Variants in FAP observed in about 807,000 individuals in gnomAD.
FAP encodes the protein prolyl endopeptidase FAP.
In FAP, 110 loss-of-function variants were observed where a neutral mutation model predicts 126.5. The ratio of observed to expected loss-of-function variants is 0.87; its 90% confidence interval spans 0.74 to 1.02. The LOEUF (loss-of-function observed/expected upper bound fraction) is 1.02. Ranked by LOEUF, FAP falls within the 50% of genes least tolerant of loss-of-function variation. The probability of loss-of-function intolerance (pLI) is 0.00; values close to 1 mark genes in which losing one functional copy is unlikely to be tolerated. For synonymous variants in FAP, 334 were observed against 297.3 expected (o/e 1.12, Z -1.27); for missense variants, 919 against 909.2 (o/e 1.01, Z -0.14).
chr2:162,173,201 T>C lies in FAP; in HGVS notation c.2055A>G (p.Arg685=). Residue 685 remains arginine, a synonymous_variant, in exon 24 of 26, where the codon AGA becomes AGG. Transcript: ENST00000188790. Reference sequence around the variant, plus strand: ...AGTCTACATTTCTGAAATATTCTGCTCTTGCCATCACAGTTGAATTCTGGA... The same window carrying C: ...AGTCTACATTTCTGAAATATTCTGCCCTTGCCATCACAGTTGAATTCTGGA... ...EHYKNSTVMA[R]AEYFRNVDYL... 6.2e-7 allele frequency: 1 copy of C among 1,613,140 alleles called. No individual in the cohort carries two copies. The highest frequency in any genetic ancestry group is 8.5e-7 in the Non-Finnish European group (1 of 1,179,246).
intron 2 of FAP, among the ~76,000 whole-genome samples, chr2:162,231,096 C>T (rs1689881531): frequency 6.6e-6 from 1 of 152,136 alleles, no homozygotes; most frequent in Non-Finnish European, 1.5e-5. Context: ...TATTCCCTTT[C>T]CCAGACCTGG....
At chr2:162,227,920 G>C (rs1208315193) in intron 2 of FAP, among the ~76,000 whole-genome samples, 2 of 152,050 alleles carry the variant, frequency 1.3e-5, no homozygotes, top group Non-Finnish European at 2.9e-5. Flanking sequence ...TTTAGATCAG[G>C]TTTCCTTTTA....
chr2:162,236,604 G>T (rs1254568417), intron 2 of FAP, among the ~76,000 whole-genome samples: 3 of 145,366 alleles, frequency 2.1e-5, no homozygotes, highest in Non-Finnish European at 4.4e-5. Context: ...ATCTGATTTT[G>T]TTTTGTTTTT....
chr2:162,217,164 A>G (rs1194816395), intron 9 of FAP, among the ~76,000 whole-genome samples: 1 of 152,226 alleles, frequency 6.6e-6, no homozygotes, highest in Non-Finnish European at 1.5e-5. Context: ...TTGTGTGTAT[A>G]CCACATCCAA....
At chr2:162,192,846 A>G (rs1235853374) in intron 17 of FAP, among the ~76,000 whole-genome samples, 1 of 152,190 alleles carries the variant, frequency 6.6e-6, no homozygotes, top group African/African-American at 2.4e-5. Context: ...CATATTCATG[A>G]GTCTCGGGTT....
intron 2 of FAP, among the ~76,000 whole-genome samples, chr2:162,242,263 C>T (rs983121164): frequency 2.0e-5 from 3 of 152,124 alleles, no homozygotes; most frequent in African/African-American, 7.2e-5. Context: ...CTGATATCAG[C>T]CCATAGTACC....
At chr2:162,214,548 G>C (rs1263823821) in intron 10 of FAP, among the ~76,000 whole-genome samples, 2 of 151,414 alleles carry the variant, frequency 1.3e-5, no homozygotes, top group East Asian at 3.9e-4. Context: ...TTGAAATTCA[G>C]ACTTGTGGAA....
At chr2:162,192,902 G>A (rs999015123) in intron 17 of FAP, among the ~76,000 whole-genome samples, 1 of 152,126 alleles carries the variant, frequency 6.6e-6, no homozygotes, top group African/African-American at 2.4e-5. Context: ...CCCAAACCCA[G>A]ATGAGCTGCT....
Position 162,226,670 on chromosome 2 carries a change from T to A in FAP, c.92-49A>T, listed in dbSNP as rs757693222. 3 of 976,722 alleles carry A rather than the reference T, an allele frequency of 3.1e-6. No individual in the cohort carries two copies. In the South Asian group the frequency reaches 4.4e-5, roughly 14 times the overall value. 60.5% of individuals were successfully genotyped at this position (976,722 alleles called of 1,614,324 possible). A position where few individuals can be genotyped will look rare whatever the true frequency, so the allele number is the denominator to read the frequency against. ...CCTTATTAAAAAGAAGGTTAACAAC[T>A]CAAATAAATTCTAAGCCTGGCCTTC... is the stretch of plus-strand genomic sequence containing the variant. On this transcript the variant is annotated intron_variant, in intron 2 of 25. Transcript: ENST00000188790.
At chr2:162,192,754 C>T (rs969991890) in intron 17 of FAP, among the ~76,000 whole-genome samples, 10 of 152,058 alleles carry the variant, frequency 6.6e-5, no homozygotes, top group African/African-American at 2.4e-4. Flanking sequence ...CTCCCAAAAC[C>T]TGATCTCCAC....
intron 16 of FAP, among the ~76,000 whole-genome samples, chr2:162,195,202 TC>T (rs573610707): frequency 4.7e-4 from 71 of 152,224 alleles, no homozygotes; most frequent in African/African-American, 1.7e-3. Context: ...GAGTATTTTT[TC>T]CATGGAATAA....
In FAP at chr2:162,170,930, T is replaced by G; in HGVS notation, c.*49A>C. The G allele has an allele frequency of 1.5e-6, 2 of 1,366,592 alleles. No homozygotes were observed. The highest frequency in any genetic ancestry group is 2.1e-6 in the Non-Finnish European group (2 of 958,870). The allele number at this position is 1,366,592 out of a possible 1,614,324, so 84.7% of individuals were successfully genotyped here. A position where few individuals can be genotyped will look rare whatever the true frequency, so the allele number is the denominator to read the frequency against. The stretch of plus-strand genomic sequence containing the variant: ...TAAAATAAGCAAACTGTCTGAGGGG[T>G]TTATATAAGGTTTTCAGATTCTGAT... On this transcript the variant is annotated 3_prime_UTR_variant, in exon 26 of 26. Coordinates refer to ENST00000188790, the MANE Select transcript of FAP (RefSeq NM_004460.5).
rs202133611 is a variant in FAP, at chr2:162,202,872, A to G, written c.1223T>C (p.Leu408Pro). ...GCATCGTGCTTCGTGCAATACTTAC[A>G]GTGAATCCTGTGTTACTCTGAATAT... The part of the protein sequence containing the change: ...INIFRVTQDS[L>P]FYSSNEFEEY... Residue 408 changes from leucine to proline, a missense_variant and splice_region_variant, in exon 14 of 26, where the codon CTG (leucine) becomes CCG (proline). Leu to Pro is a moderately conservative substitution (Grantham distance 98, BLOSUM62 -3). Transcript: ENST00000188790. 53 of 1,612,024 alleles carry G rather than the reference A, an allele frequency of 3.3e-5. No homozygotes were observed. Among genetic ancestry groups the G allele is most frequent in the Non-Finnish European group, 4.2e-5 (49 of 1,178,264 alleles).
At chr2:162,231,260 T>C (rs3788969) in intron 2 of FAP, among the ~76,000 whole-genome samples, 5,562 of 152,262 alleles carry the variant, frequency 0.037, 480 homozygotes, top group Admixed American at 0.22. Context: ...CTCCACAGCA[T>C]CAAATACACT....
intron 2 of FAP, among the ~76,000 whole-genome samples, chr2:162,236,872 A>T (rs1559797914): frequency 6.6e-6 from 1 of 152,118 alleles, no homozygotes; most frequent in Non-Finnish European, 1.5e-5. Flanking sequence ...AAAGTGCTGC[A>T]ATTACCACCA....
chr2:162,171,412 T>C, intron 25 of FAP: 1 of 184,162 alleles, frequency 5.4e-6, no homozygotes, highest in Non-Finnish European at 1.1e-5. Flanking sequence ...TGGAGTCTGG[T>C]TTCTTCATTT....
At chr2:162,216,183 C>A (rs1394688778) in intron 9 of FAP, among the ~76,000 whole-genome samples, 182 bp from the exon 10 acceptor site, 1 of 152,144 alleles carries the variant, frequency 6.6e-6, no homozygotes, top group Non-Finnish European at 1.5e-5. Flanking sequence ...AGGGCAATTA[C>A]AAATGTTGTG....
chr2:162,212,847 T>C (rs1258920277), intron 11 of FAP, among the ~76,000 whole-genome samples: 1 of 152,214 alleles, frequency 6.6e-6, no homozygotes. Context: ...AACAGGCTTA[T>C]TTTAAAGCTT....
In FAP at chr2:162,215,893, A is replaced by C. The variant is rs774544531; in HGVS notation, c.866+5T>G. 6.2e-7 allele frequency: 1 copy of C among 1,602,920 alleles called. No homozygotes were observed. Among genetic ancestry groups the C allele is most frequent in the Non-Finnish European group, 8.5e-7 (1 of 1,169,828 alleles). Reference sequence around the variant, plus strand: ...GAAAGATGGGAGGGATCTGAGATGAACTACCTTGAGGCTATCATTGCTGGA... The same window carrying C: ...GAAAGATGGGAGGGATCTGAGATGACCTACCTTGAGGCTATCATTGCTGGA... On this transcript the variant is annotated splice_donor_5th_base_variant and intron_variant, in intron 10 of 25. Coordinates refer to ENST00000188790, the MANE Select transcript of FAP (RefSeq NM_004460.5).
Sources: gnomAD v4.1 joint callset for allele counts (sites outside exome capture counted in the v4.1 genomes callset) on GRCh38, gnomAD v4.1.1 for gene constraint, MANE v1.5 for transcripts, NCBI Gene and HGNC (gene_info 2026-07-23, HGNC 2026-07-21) for gene names.